Variants in FTCDNL1 observed in about 807,000 individuals in gnomAD.
FTCDNL1 encodes formiminotransferase N-terminal subdomain-containing protein.
FTCDNL1 carries 11 observed loss-of-function variants against 5.9 expected under a neutral mutation model. The ratio of observed to expected loss-of-function variants is 1.87; its 90% CI spans 1.18 to 3.10. The LOEUF is 3.10. Ranked by LOEUF, FTCDNL1 falls within the 30% of genes most tolerant of loss-of-function variation. FTCDNL1 has a pLI of 0.00. For synonymous variants in FTCDNL1, 58 were observed against 24.8 expected, an observed-to-expected ratio of 2.34 and a Z score of -3.99; for missense variants, 115 against 65.5, an observed-to-expected ratio of 1.76 and a Z score of -2.61.
chr2:199,688,964 G>C, the FTCDNL1 span, among the ~76,000 whole-genome samples: 5 of 152,222 alleles, frequency 3.3e-5, no homozygotes, highest in African/African-American at 1.2e-4. Flanking sequence ...CAGGAGAATC[G>C]CTTCAACCTT....
At chr2:199,800,573 T>G (rs1377468951) in intron 3 of FTCDNL1, among the ~76,000 whole-genome samples, 1 of 152,208 alleles carries the variant, frequency 6.6e-6, no homozygotes, top group Non-Finnish European at 1.5e-5. Flanking sequence ...AAAAATAACA[T>G]ATACTTATTA....
At chr2:199,668,003 A>G in the FTCDNL1 span, among the ~76,000 whole-genome samples, 1 of 152,236 alleles carries the variant, frequency 6.6e-6, no homozygotes, top group East Asian at 1.9e-4. Context: ...GTGCTAAAAT[A>G]CTATTAGTAG....
intron 3 of FTCDNL1, among the ~76,000 whole-genome samples, chr2:199,843,364 A>G (rs1559248015): frequency 6.6e-6 from 1 of 152,220 alleles, no homozygotes; most frequent in African/African-American, 2.4e-5. Flanking sequence ...TGTTTTGAAG[A>G]CAATTAAAAT....
chr2:199,700,983 G>A, the FTCDNL1 span, among the ~76,000 whole-genome samples: 1 of 151,920 alleles, frequency 6.6e-6, no homozygotes, highest in Non-Finnish European at 1.5e-5. Context: ...CACACTCTTT[G>A]AGGCTGAAGC....
At chr2:199,793,490 T>C (rs1282992843) in intron 3 of FTCDNL1, among the ~76,000 whole-genome samples, 2 of 152,166 alleles carry the variant, frequency 1.3e-5, no homozygotes, top group African/African-American at 4.8e-5. Flanking sequence ...AATAAAAGTA[T>C]TTTGAAGTTT....
At chr2:199,787,051 C>T (rs1699688786) in intron 3 of FTCDNL1, among the ~76,000 whole-genome samples, 1 of 152,206 alleles carries the variant, frequency 6.6e-6, no homozygotes, top group African/African-American at 2.4e-5. Context: ...TCTCACATTG[C>T]ATCACTCTGA....
At chr2:199,760,608 G>T (rs1200461330) in exon 4 of FTCDNL1, 6 of 513,606 alleles carry the variant, frequency 1.2e-5, no homozygotes, top group Non-Finnish European at 2.1e-5. Context: ...GATACATGGG[G>T]AAACATTCTT....
the FTCDNL1 span, among the ~76,000 whole-genome samples, chr2:199,746,276 A>T: frequency 6.6e-6 from 1 of 152,168 alleles, no homozygotes; most frequent in Non-Finnish European, 1.5e-5. Flanking sequence ...AACAGTGGCA[A>T]CAGGGCTAGT....
chr2:199,725,265 C>T, the FTCDNL1 span, among the ~76,000 whole-genome samples: 3 of 152,092 alleles, frequency 2.0e-5, no homozygotes, highest in African/African-American at 7.2e-5. Flanking sequence ...TTCTTTTGAG[C>T]CTATGTGTGT....
At chr2:199,720,587 C>T in the FTCDNL1 span, among the ~76,000 whole-genome samples, 1 of 152,186 alleles carries the variant, frequency 6.6e-6, no homozygotes, top group Admixed American at 6.6e-5. Context: ...CCTGTGACAG[C>T]ATAACTCCAA....
chr2:199,797,570 C>G (rs1700233570), intron 3 of FTCDNL1, among the ~76,000 whole-genome samples: 1 of 152,088 alleles, frequency 6.6e-6, no homozygotes, highest in Admixed American at 6.6e-5. Context: ...ATGTAAAAAG[C>G]AATAAAAGGA....
intron 3 of FTCDNL1, among the ~76,000 whole-genome samples, chr2:199,762,689 C>G (rs762488413): frequency 2.0e-5 from 3 of 152,166 alleles, no homozygotes; most frequent in Middle Eastern, 3.2e-3. Context: ...AGTATACACT[C>G]TGACTTTCAG....
intron 3 of FTCDNL1, among the ~76,000 whole-genome samples, chr2:199,785,732 C>G (rs1419588307): frequency 6.6e-6 from 1 of 152,122 alleles, no homozygotes; most frequent in African/African-American, 2.4e-5. Context: ...TCACATCAGC[C>G]TCCCAAGTAC....
At chr2:199,793,200 A>C (rs749121280) in intron 3 of FTCDNL1, among the ~76,000 whole-genome samples, 8 of 152,238 alleles carry the variant, frequency 5.3e-5, no homozygotes, top group Non-Finnish European at 1.0e-4. Flanking sequence ...GTTCCCTTAG[A>C]AACATAATGA....
At chr2:199,756,944 A>G (rs972412870), downstream of FTCDNL1, among the ~76,000 whole-genome samples, 5 of 152,212 alleles carry the variant, frequency 3.3e-5, no homozygotes, top group African/African-American at 1.2e-4. Context: ...AAAGTCACAC[A>G]CATCACTTCT....
chr2:199,774,987 T>A (rs1222464481), intron 3 of FTCDNL1, among the ~76,000 whole-genome samples: 1 of 152,172 alleles, frequency 6.6e-6, no homozygotes, highest in African/African-American at 2.4e-5. Context: ...TTAAGTGCAT[T>A]CCTTCTACTG....
At chr2:199,796,016 T>C (rs1700153727) in intron 3 of FTCDNL1, among the ~76,000 whole-genome samples, 1 of 152,184 alleles carries the variant, frequency 6.6e-6, no homozygotes, top group Non-Finnish European at 1.5e-5. Context: ...AGCATGCTCT[T>C]AATTTTGGCC....
At chr2:199,689,989 T>A in the FTCDNL1 span, among the ~76,000 whole-genome samples, 3 of 152,142 alleles carry the variant, frequency 2.0e-5, no homozygotes, top group Non-Finnish European at 4.4e-5. Context: ...TTATTAAAAA[T>A]CATCTTGCAG....
the FTCDNL1 span, among the ~76,000 whole-genome samples, chr2:199,745,857 T>G: frequency 5.8e-3 from 1 of 172 alleles, no homozygotes; most frequent in Non-Finnish European, 0.019. Flanking sequence ...AACACTGAGT[T>G]TACCCGTAAT....
Sources: allele counts gnomAD v4.1 joint callset (sites outside exome capture counted in the v4.1 genomes callset), GRCh38; gene constraint gnomAD v4.1.1; transcripts MANE v1.5; gene names NCBI Gene and HGNC (gene_info 2026-07-23, HGNC 2026-07-21).